OGA: variants seen among roughly 807,000 people sequenced by gnomAD.
OGA encodes the protein O-GlcNAcase, also known as protein O-GlcNAcase.
A neutral mutation model predicts 102.0 loss-of-function variants in OGA; 21 were observed. The observed-to-expected ratio is 0.21, with a 90% CI of 0.15 to 0.30. The LOEUF (loss-of-function observed/expected upper bound fraction) is 0.30. Among genes scored for constraint, OGA ranks in the 10% least tolerant of loss-of-function variants. The probability of loss-of-function intolerance (pLI) is 1.00; values close to 1 mark genes in which losing one functional copy is unlikely to be tolerated. For missense variants in OGA, 765 were observed against 1,107.8 expected, an observed-to-expected ratio of 0.69 and a Z score of 4.39; for synonymous variants, 408 against 378.2, an observed-to-expected ratio of 1.08 and a Z score of -0.91.
chr10:101,800,747 A>AT (rs1350979251), intron 7 of OGA, among the ~76,000 whole-genome samples: 1 of 150,488 alleles, frequency 6.6e-6, no homozygotes, highest in African/African-American at 2.4e-5. Flanking sequence ...AAAACATTGC[A>AT]TAGCCTTCAG....
At chr10:101,805,457 C>A (rs1368027551) in intron 6 of OGA, among the ~76,000 whole-genome samples, 1 of 151,460 alleles carries the variant, frequency 6.6e-6, no homozygotes, top group African/African-American at 2.4e-5. Flanking sequence ...GAGTTTGAGA[C>A]CAGCCTGGCT....
At chr10:101,815,476 G>C (rs1036927728) in intron 1 of OGA, among the ~76,000 whole-genome samples, 2 of 151,860 alleles carry the variant, frequency 1.3e-5, no homozygotes, top group Admixed American at 6.6e-5. Context: ...AGTAGAGACA[G>C]GGTTTCGCCA....
At chr10:101,802,430 T>C (rs1164932426) in intron 7 of OGA, among the ~76,000 whole-genome samples, 6 of 152,046 alleles carry the variant, frequency 3.9e-5, no homozygotes, top group Non-Finnish European at 7.4e-5. Context: ...TCCCAGCACT[T>C]TGGGAAGCCC....
At chr10:101,799,478 A>G (rs757168176) in intron 8 of OGA, 23 bp from the exon 9 acceptor site, 1 of 1,589,376 alleles carries the variant, frequency 6.3e-7, no homozygotes, top group African/African-American at 1.4e-5. Context: ...ATAAATGTAT[A>G]AATAAAATGG....
intron 1 of OGA, 38 bp from the exon 2 acceptor site, chr10:101,813,644 A>C: frequency 7.7e-7 from 1 of 1,299,078 alleles, no homozygotes; most frequent in Non-Finnish European, 1.1e-6. Flanking sequence ...ATTCAGTTTT[A>C]AAATGTGGTA....
chr10:101,786,384 A>G lies in OGA; in HGVS notation c.*67T>C, dbSNP rs998008913. The G allele has an allele frequency of 1.4e-6, 2 of 1,453,096 alleles. No homozygotes were observed. The highest frequency in any genetic ancestry group is 1.4e-5 in the African/African-American group (1 of 69,878). The allele number at this position is 1,453,096 out of a possible 1,614,324, so 90.0% of individuals were successfully genotyped here. ...CCATTCTAGAGGCTGAACTGTATGAAGACCTCAACTACCATTCACAAGGTG... is the reference window on the plus strand; with the variant it reads ...CCATTCTAGAGGCTGAACTGTATGAGGACCTCAACTACCATTCACAAGGTG... On this transcript the variant is annotated 3_prime_UTR_variant, in exon 16 of 16. Coordinates refer to ENST00000361464, the MANE Select transcript of OGA (RefSeq NM_012215.5).
rs538201057 is a variant in OGA, at chr10:101,798,967, C to T, written c.1684G>A (p.Ala562Thr). ...PVTLEDLQLL[A>T]DLFYLPYEHG... is the part of the protein sequence containing the mutation. ...TCGTAAGGAAGGTAGAATAGATCAG[C>T]AAGTAACTGCAAATCCTCCAGGGTC... The change falls in exon 9 of 16, where the codon GCT becomes ACT. Residue 562 changes from alanine (A) to threonine (T), a missense_variant. Ala to Thr is a moderately conservative substitution (Grantham distance 58, BLOSUM62 0). This residue lies in a region of OGA where 281 missense variants were observed against 345.8 expected (regional missense o/e 0.81). Transcript: ENST00000361464. 5.6e-6 allele frequency: 9 copies of T among 1,614,204 alleles called. No individual in the cohort carries two copies. In the African/African-American group the frequency reaches 1.1e-4, roughly 19 times the overall value.
chr10:101,817,369 A>G (rs2065646121), intron 1 of OGA, among the ~76,000 whole-genome samples: 1 of 152,206 alleles, frequency 6.6e-6, no homozygotes, highest in Admixed American at 6.5e-5. Flanking sequence ...GGAACTTGAA[A>G]TACTATAGGC....
rs1363005347 is a variant in OGA, at chr10:101,818,353, T to A, written c.-331A>T. On this transcript the variant is annotated 5_prime_UTR_variant, in exon 1 of 16. Coordinates refer to ENST00000361464, the MANE Select transcript of OGA (RefSeq NM_012215.5). ...TCCTCGTTCTCTGCCTCTGCTGCCC[T>A]CCCGATAATCTTAGGTCTTCCGCTG... 3 of 1,099,786 alleles carry A rather than the reference T, an allele frequency of 2.7e-6. No individual in the cohort carries two copies. Among genetic ancestry groups the A allele is most frequent in the East Asian group, 5.7e-5 (1 of 17,540 alleles). The allele number at this position is 1,099,786 out of a possible 1,614,324, so 68.1% of individuals were successfully genotyped here. A position where few individuals can be genotyped will look rare whatever the true frequency, so the allele number is the denominator to read the frequency against.
chr10:101,801,252 C>T (rs1322067473), intron 7 of OGA, among the ~76,000 whole-genome samples: 1 of 151,962 alleles, frequency 6.6e-6, no homozygotes, highest in Non-Finnish European at 1.5e-5. Context: ...ATTAGCCAGA[C>T]GTGGTGGCAG....
intron 7 of OGA, among the ~76,000 whole-genome samples, chr10:101,800,860 C>T (rs777833124): frequency 2.6e-5 from 4 of 151,012 alleles, no homozygotes; most frequent in African/African-American, 4.9e-5. Flanking sequence ...CTACAACCTC[C>T]GCCTCACAGG....
At chr10:101,791,619 A>G (rs1310748196) in intron 12 of OGA, among the ~76,000 whole-genome samples, 180 bp from the exon 13 acceptor site, 1 of 152,250 alleles carries the variant, frequency 6.6e-6, no homozygotes, top group Non-Finnish European at 1.5e-5. Context: ...TTGTAAAACC[A>G]GCAAAAAACA....
intron 3 of OGA, among the ~76,000 whole-genome samples, chr10:101,811,852 A>G (rs529969844): frequency 4.3e-4 from 66 of 152,348 alleles, no homozygotes; most frequent in African/African-American, 1.6e-3. Context: ...AGTATATACT[A>G]TAAGACATAT....
At chr10:101,790,796 T>G in intron 14 of OGA, 100 bp downstream of exon 14, 1 of 851,260 alleles carries the variant, frequency 1.2e-6, no homozygotes, top group Non-Finnish European at 1.7e-6. Context: ...TTATGATGTA[T>G]CTATGTACTT....
At chr10:101,805,987 C>A in intron 6 of OGA, 58 bp downstream of exon 6, 2 of 1,188,594 alleles carry the variant, frequency 1.7e-6, no homozygotes, top group South Asian at 2.5e-5. Flanking sequence ...CAAGAACAAG[C>A]AATTTCTGCA....
At chr10:101,805,171 G>A (rs1197648826) in intron 6 of OGA, among the ~76,000 whole-genome samples, 2 of 151,886 alleles carry the variant, frequency 1.3e-5, no homozygotes, top group African/African-American at 4.8e-5. Context: ...TAAGTAGCTG[G>A]GACTACAGGT....
Position 101,791,388 on chromosome 10 carries a change from G to C in OGA, c.2227C>G (p.Pro743Ala). The C allele has an allele frequency of 6.2e-7, 1 of 1,614,010 alleles. No individual in the cohort carries two copies. The highest frequency in any genetic ancestry group is 8.5e-7 in the Non-Finnish European group (1 of 1,179,956). The change falls in exon 13 of 16, where the codon CCC becomes GCC. Residue 743 changes from proline (P) to alanine (A), a missense_variant. Physicochemically the swap from Pro to Ala is conservative, Grantham distance 27 (BLOSUM62 -1). Transcript: ENST00000361464. ...REMYDDGVGL[P>A]FQSQPDLIGD... ...ATAAGATCAGGCTGACTTTGAAAGG[G>C]TAAACCCACTCCATCGTCATACATT...
intron 10 of OGA, 38 bp downstream of exon 10, chr10:101,797,942 T>C (rs1427697993): frequency 6.3e-7 from 1 of 1,583,600 alleles, no homozygotes; most frequent in Non-Finnish European, 8.7e-7. Context: ...AAAGGGACAA[T>C]ATATTTGAGG....
At chr10:101,814,906 T>C (rs1176680434) in intron 1 of OGA, among the ~76,000 whole-genome samples, 1 of 152,244 alleles carries the variant, frequency 6.6e-6, no homozygotes, top group Non-Finnish European at 1.5e-5. Context: ...CAAACTGGTA[T>C]CTGGAACTCC....
Sources: allele counts gnomAD v4.1 joint callset (sites outside exome capture counted in the v4.1 genomes callset), GRCh38; gene constraint gnomAD v4.1.1; regional missense constraint gnomAD v4.1.1; transcripts MANE v1.5; gene names NCBI Gene and HGNC (gene_info 2026-07-23, HGNC 2026-07-21).